The following SH3GLB1 variants were observed in gnomAD, a reference collection of about 807,000 sequenced individuals.
SH3GLB1 encodes the protein endophilin-B1.
Under a neutral mutation model 42.0 loss-of-function variants are expected in SH3GLB1, and 17 were observed. That is an observed-to-expected ratio of 0.40 (90% CI 0.28 to 0.61). The LOEUF (loss-of-function observed/expected upper bound fraction) is 0.61, where lower values mean the gene tolerates loss of function less well. Among genes scored for constraint, SH3GLB1 ranks in the 20% least tolerant of loss-of-function variants. SH3GLB1 has a pLI of 0.36. For synonymous variants in SH3GLB1, 132 were observed against 146.6 expected (o/e 0.90, Z 0.72); for missense variants, 355 against 426.3 (o/e 0.83, Z 1.47).
rs148595443 is a variant in SH3GLB1 at position 86,705,970 on chromosome 1, A to G, written c.72+999A>G. 1.3e-3 allele frequency among the ~76,000 whole-genome samples: 197 copies of G among 152,332 alleles called. 1 individual carries two copies. The highest frequency in any genetic ancestry group is 4.5e-3 in the African/African-American group (187 of 41,564). On this transcript the variant is annotated intron_variant, in intron 1 of 8. Coordinates refer to ENST00000370558, the MANE Select transcript of SH3GLB1 (RefSeq NM_016009.5). Reference sequence around the variant, plus strand: ...TACTACTTTCCTTGCCTTTGCCCCAATTTTGTTGGCACAGTTGATCCTACA... The same window carrying G: ...TACTACTTTCCTTGCCTTTGCCCCAGTTTTGTTGGCACAGTTGATCCTACA...
Position 86,743,244 on chromosome 1 carries a change from A to G in SH3GLB1, c.*9A>G. ...TAGAACTGCTCAATTAAGTAGGTGG[A>G]CTATGGAAAGGTTGCCCATCATGAC... On this transcript the variant is annotated 3_prime_UTR_variant, in exon 9 of 9. Coordinates refer to ENST00000370558, the MANE Select transcript of SH3GLB1 (RefSeq NM_016009.5). 3 of 1,578,340 alleles carry G rather than the reference A, an allele frequency of 1.9e-6. No homozygotes were observed. The highest frequency in any genetic ancestry group is 2.6e-6 in the Non-Finnish European group (3 of 1,163,610).
chr1:86,724,996 A>C (rs1655117334), intron 5 of SH3GLB1, among the ~76,000 whole-genome samples: 1 of 146,080 alleles, frequency 6.8e-6, no homozygotes, highest in Non-Finnish European at 1.5e-5. Context: ...ATATGTGTGT[A>C]TATACACACA....
At chr1:86,715,016 G>C (rs1654427871) in intron 1 of SH3GLB1, among the ~76,000 whole-genome samples, 1 of 152,124 alleles carries the variant, frequency 6.6e-6, no homozygotes, top group Non-Finnish European at 1.5e-5. Context: ...TTCATAGTAT[G>C]AATAGGATAT....
intron 4 of SH3GLB1, 79 bp from the exon 5 acceptor site, chr1:86,724,234 G>T (rs1655031036): frequency 1.0e-6 from 1 of 987,950 alleles, no homozygotes; most frequent in South Asian, 1.8e-5. Context: ...GTTTACTAGG[G>T]AATAATACTT....
chr1:86,733,525 AACC>A lies in SH3GLB1; in HGVS notation c.571-1076_571-1074del, dbSNP rs1359638250. Among the ~76,000 whole-genome samples, 601 of 152,302 alleles carry A rather than the reference AACC, an allele frequency of 3.9e-3. 6 individuals carry two copies. The highest frequency in any genetic ancestry group is 0.014 in the African/African-American group (577 of 41,562). On this transcript the variant is annotated intron_variant, in intron 5 of 8. Coordinates refer to ENST00000370558, the MANE Select transcript of SH3GLB1 (RefSeq NM_016009.5). ...GCTATTTGTGCTGGAGAGGTAGTCAAACCTATCATTATAATGATGATGTAACCA... is the reference window on the plus strand; with the variant it reads ...GCTATTTGTGCTGGAGAGGTAGTCAATATCATTATAATGATGATGTAACCA...
In SH3GLB1 at chr1:86,734,606, A is replaced by T. The variant is rs1570288411; in HGVS notation, c.575A>T (p.Glu192Val). ...AAAACTATATTCTTACTTAAGTCTGAACAGGAATTAAGAATAACTCAAAGT... is the reference window on the plus strand; with the variant it reads ...AAAACTATATTCTTACTTAAGTCTGTACAGGAATTAAGAATAACTCAAAGT... Reference protein sequence around the residue: ...AKAAETRNSSEQELRITQSEF... With the variant: ...AKAAETRNSSVQELRITQSEF... The change falls in exon 6 of 9, where the codon GAA (glutamate) becomes GTA (valine). Residue 192 changes from glutamate to valine, a missense_variant. Transcript: ENST00000370558. 1.9e-6 allele frequency: 3 copies of T among 1,609,342 alleles called. No individual in the cohort carries two copies. In the East Asian group the frequency reaches 6.7e-5, roughly 36 times the overall value.
intron 5 of SH3GLB1, chr1:86,730,278 C>T: frequency 6.1e-6 from 6 of 985,264 alleles, no homozygotes; most frequent in Non-Finnish European, 7.2e-6. Context: ...CTAATAGAAG[C>T]TCCACCAAGC....
At chr1:86,737,649 A>G (rs1165389822) in intron 7 of SH3GLB1, among the ~76,000 whole-genome samples, 1 of 152,212 alleles carries the variant, frequency 6.6e-6, no homozygotes, top group Non-Finnish European at 1.5e-5. Context: ...GGGATATAGT[A>G]TATAAATAAA....
At chr1:86,740,568 T>C (rs1215040876) in intron 7 of SH3GLB1, among the ~76,000 whole-genome samples, 2 of 152,176 alleles carry the variant, frequency 1.3e-5, no homozygotes, top group Non-Finnish European at 2.9e-5. Context: ...TAGACCCTGG[T>C]AGGCTTGTTG....
chr1:86,711,020 A>T (rs1196326459), intron 1 of SH3GLB1, among the ~76,000 whole-genome samples: 4 of 152,174 alleles, frequency 2.6e-5, no homozygotes, highest in Non-Finnish European at 4.4e-5. Context: ...GTGTTTTCTA[A>T]AGCTCCCTCA....
intron 1 of SH3GLB1, among the ~76,000 whole-genome samples, chr1:86,710,646 A>G (rs934863778): frequency 3.3e-5 from 5 of 152,324 alleles, no homozygotes; most frequent in Admixed American, 2.0e-4. Context: ...ATGTACTCCT[A>G]GTTGCTTTGC....
intron 1 of SH3GLB1, among the ~76,000 whole-genome samples, chr1:86,712,968 TTAAA>T (rs1347856383): frequency 1.3e-5 from 2 of 152,140 alleles, no homozygotes; most frequent in Non-Finnish European, 2.9e-5. Flanking sequence ...AAAGAAAATG[TTAAA>T]TAATTAAGCA....
At chr1:86,718,958 C>T (rs1654709279) in intron 2 of SH3GLB1, among the ~76,000 whole-genome samples, 1 of 152,232 alleles carries the variant, frequency 6.6e-6, no homozygotes, top group African/African-American at 2.4e-5. Flanking sequence ...TATTGCTGAT[C>T]TGTCTGTAGA....
chr1:86,727,524 T>C (rs1655261903), intron 5 of SH3GLB1, among the ~76,000 whole-genome samples: 2 of 151,994 alleles, frequency 1.3e-5, no homozygotes, highest in South Asian at 4.1e-4. Context: ...ATTGGAGCTT[T>C]TCACTTTAGG....
chr1:86,705,113 C>T, intron 1 of SH3GLB1, 142 bp downstream of exon 1: 1 of 542,458 alleles, frequency 1.8e-6, no homozygotes, highest in Non-Finnish European at 3.2e-6. Flanking sequence ...TGGGCGCGGC[C>T]TGGTCCCCTC....
chr1:86,723,418 G>A (rs924024809), intron 4 of SH3GLB1, among the ~76,000 whole-genome samples: 2 of 152,112 alleles, frequency 1.3e-5, no homozygotes, highest in African/African-American at 4.8e-5. Flanking sequence ...GGAAGCTGAG[G>A]TAGGAGAATT....
intron 1 of SH3GLB1, among the ~76,000 whole-genome samples, chr1:86,706,945 G>A (rs1653904357): frequency 6.6e-6 from 1 of 152,090 alleles, no homozygotes; most frequent in East Asian, 1.9e-4. Flanking sequence ...TAATCTGTTA[G>A]CCATCAAATA....
chr1:86,728,914 T>G (rs1358950252), intron 5 of SH3GLB1, among the ~76,000 whole-genome samples: 1 of 152,186 alleles, frequency 6.6e-6, no homozygotes, highest in African/African-American at 2.4e-5. Flanking sequence ...ATTAATTTTT[T>G]CTGCCATTTC....
At chr1:86,713,809 G>T (rs1421223162) in intron 1 of SH3GLB1, among the ~76,000 whole-genome samples, 1 of 152,102 alleles carries the variant, frequency 6.6e-6, no homozygotes, top group East Asian at 1.9e-4. Flanking sequence ...AACCAACCAT[G>T]TTGGTCCGCT....
Sources: allele counts gnomAD v4.1 joint callset (sites outside exome capture counted in the v4.1 genomes callset), GRCh38; gene constraint gnomAD v4.1.1; transcripts MANE v1.5; gene names NCBI Gene and HGNC (gene_info 2026-07-23, HGNC 2026-07-21).